SRSF5: variants seen among roughly 807,000 people sequenced by gnomAD.
SRSF5 encodes the protein serine and arginine rich splicing factor 5.
Under a neutral mutation model 34.0 loss-of-function variants are expected in SRSF5, and 5 were observed. The observed-to-expected ratio is 0.15, with a 90% CI of 0.08 to 0.31. SRSF5 has a LOEUF of 0.31. Among genes scored for constraint, SRSF5 ranks in the 10% least tolerant of loss-of-function variants. SRSF5 has a pLI of 1.00. For missense variants in SRSF5, 223 were observed against 351.4 expected, an observed-to-expected ratio of 0.63 and a Z score of 2.92; for synonymous variants, 164 against 117.7, an observed-to-expected ratio of 1.39 and a Z score of -2.55.
chr14:69,769,011 C>A (rs1594750566), intron 4 of SRSF5, 115 bp downstream of exon 4: 1 of 1,290,210 alleles, frequency 7.8e-7, no homozygotes, highest in Admixed American at 1.9e-5. Flanking sequence ...TTCTTCTATT[C>A]CCACGTTAGC....
intron 7 of SRSF5, 30 bp from the exon 8 acceptor site, chr14:69,771,164 T>C (rs1356569854): frequency 2.2e-5 from 35 of 1,613,772 alleles, no homozygotes; most frequent in African/African-American, 4.0e-5. Flanking sequence ...TAGAGTCTTA[T>C]CTAGGCTGAT....
chr14:69,769,677 T>TC, intron 5 of SRSF5: 3 of 1,490,466 alleles, frequency 2.0e-6, no homozygotes, highest in Non-Finnish European at 2.7e-6. Context: ...TCGGTGCACT[T>TC]CCTTGAAGTG....
At chr14:69,768,337 C>T (rs1355827363) in intron 2 of SRSF5, 55 bp downstream of exon 2, 14 of 1,600,890 alleles carry the variant, frequency 8.7e-6, no homozygotes, top group Admixed American at 5.1e-5. Context: ...TTTTGATAAG[C>T]AGTTGTTTTC....
rs779021369 is a variant in SRSF5, at chr14:69,771,109, T to G, written c.551+4T>G. 1 of 1,612,646 alleles carries G rather than the reference T, an allele frequency of 6.2e-7. No homozygotes were observed. Among genetic ancestry groups the G allele is most frequent in the Non-Finnish European group, 8.5e-7 (1 of 1,179,344 alleles). ...TTGAAGGCAGCAAAAGGCACAGGTATCTCTAATTTTTTAAAGTCAAAAGTT... is the reference window on the plus strand; with the variant it reads ...TTGAAGGCAGCAAAAGGCACAGGTAGCTCTAATTTTTTAAAGTCAAAAGTT... On this transcript the variant is annotated splice_donor_region_variant and intron_variant, in intron 7 of 7. Coordinates refer to ENST00000557154, the MANE Select transcript of SRSF5 (RefSeq NM_001320214.2).
At position 69,771,250 on chromosome 14, in the gene SRSF5, G is replaced by T. The variant is rs763081161; in HGVS notation, c.608G>T (p.Arg203Leu). Residue 203 changes from arginine (R) to leucine (L), a missense_variant, in exon 8 of 8, where the codon CGA (arginine) becomes CTA (leucine). Physicochemically the swap from Arg to Leu is moderately radical, Grantham distance 102. Transcript: ENST00000557154. ...RTRSSSRSRS[R>L]SRSRSRKSYS... ...AGAAGTTCCTCTAGGTCTCGTAGCC[G>T]ATCCCGTTCCCGTAGTCGCAAATCT... 6.2e-7 allele frequency: 1 copy of T among 1,614,084 alleles called. No homozygotes were observed. Among genetic ancestry groups the T allele is most frequent in the South Asian group, 1.1e-5 (1 of 91,080 alleles).
chr14:69,768,998 C>G (rs1882885382), intron 4 of SRSF5, 102 bp downstream of exon 4: 1 of 1,347,858 alleles, frequency 7.4e-7, no homozygotes, highest in East Asian at 2.4e-5. Context: ...GCCGTATAAT[C>G]TGTTCTTCTA....
chr14:69,769,778 G>A (rs890896884), intron 5 of SRSF5: 87 of 1,355,686 alleles, frequency 6.4e-5, no homozygotes, highest in Non-Finnish European at 7.7e-5. Context: ...TAAGAGGTCC[G>A]GTCGAAAAGA....
chr14:69,770,337 G>A, intron 5 of SRSF5, 130 bp from the exon 6 acceptor site: 1 of 1,452,782 alleles, frequency 6.9e-7, no homozygotes, highest in Non-Finnish European at 9.1e-7. Context: ...TAGAATACAA[G>A]TGTGGTAAAT....
intron 5 of SRSF5, chr14:69,770,098 A>C: frequency 9.7e-7 from 1 of 1,031,192 alleles, no homozygotes; most frequent in Non-Finnish European, 1.2e-6. Flanking sequence ...TGTCTTGTAA[A>C]TGTTCTGTTT....
chr14:69,769,476 A>G (rs1882961681), intron 5 of SRSF5: 2 of 1,534,776 alleles, frequency 1.3e-6, no homozygotes, highest in East Asian at 2.4e-5. Flanking sequence ...TTTAAAATCA[A>G]TTTTTAACCA....
rs920835897 is a variant in SRSF5, at chr14:69,771,780, A to T, written c.*319A>T. 3.7e-5 allele frequency: 9 copies of T among 245,266 alleles called. No homozygotes were observed. The highest frequency in any genetic ancestry group is 1.0e-4 in the Admixed American group (2 of 19,950). The allele number at this position is 245,266 out of a possible 1,614,324, so 15.2% of individuals were successfully genotyped here. A position where few individuals can be genotyped will look rare whatever the true frequency, so the allele number is the denominator to read the frequency against. On this transcript the variant is annotated 3_prime_UTR_variant, in exon 8 of 8. Transcript: ENST00000557154. Reference sequence around the variant, plus strand: ...TTTTTTGTACTAGAAAAAAATTTGAACATTTTAGTTCTTGGTTATAAAAAT... The same window carrying T: ...TTTTTTGTACTAGAAAAAAATTTGATCATTTTAGTTCTTGGTTATAAAAAT...
rs1164579624 is a variant in SRSF5 at position 69,771,224 on chromosome 14, C to A, written c.582C>A (p.Thr194=). 6.2e-7 allele frequency: 1 copy of A among 1,614,090 alleles called. No individual in the cohort carries two copies. The highest frequency in any genetic ancestry group is 2.2e-5 in the East Asian group (1 of 44,880). ...CAAGAAGCAGGTCTCGATCCCGGAC[C>A]AGAAGTTCCTCTAGGTCTCGTAGCC... ...SRSRSRSRSR[T]RSSSRSRSRS... is the part of the protein sequence containing the mutation. The change falls in exon 8 of 8, where the codon ACC becomes ACA. Residue 194 remains threonine (T), a synonymous_variant. Coordinates refer to ENST00000557154, the MANE Select transcript of SRSF5 (RefSeq NM_001320214.2).
Position 69,771,375 on chromosome 14 carries a change from T to A in SRSF5, c.733T>A (p.Ser245Thr). 1.9e-6 allele frequency: 3 copies of A among 1,614,204 alleles called. No homozygotes were observed. Among genetic ancestry groups the A allele is most frequent in the Non-Finnish European group, 2.5e-6 (3 of 1,180,044 alleles). ...TGAGAAGAGCCAGAAACGTGGTTCTTCAAGTAGATCTAAGTCTCCAGCATC... is the reference window on the plus strand; with the variant it reads ...TGAGAAGAGCCAGAAACGTGGTTCTACAAGTAGATCTAAGTCTCCAGCATC... ...VPEKSQKRGS[S>T]SRSKSPASVD... The change falls in exon 8 of 8, where the codon TCA (serine) becomes ACA (threonine). Residue 245 changes from serine (S) to threonine (T), a missense_variant. By Grantham distance (58) the Ser-to-Thr change is moderately conservative. This residue lies in a region of SRSF5 where 115 missense variants were observed against 119.7 expected (regional missense o/e 0.96). Coordinates refer to ENST00000557154, the MANE Select transcript of SRSF5 (RefSeq NM_001320214.2).
At chr14:69,769,626 G>A in intron 5 of SRSF5, 1 of 1,534,858 alleles carries the variant, frequency 6.5e-7, no homozygotes, top group Admixed American at 2.0e-5. Context: ...ACAGTGATCA[G>A]TTGGCCACCT....
intron 5 of SRSF5, 47 bp from the exon 6 acceptor site, chr14:69,770,419 TG>T: frequency 6.2e-7 from 1 of 1,600,136 alleles, no homozygotes; most frequent in Non-Finnish European, 8.5e-7. Context: ...TGATTGTTTG[TG>T]TGTCCCCTTT....
At chr14:69,770,640 G>A in intron 6 of SRSF5, 100 bp downstream of exon 6, 7 of 1,106,838 alleles carry the variant, frequency 6.3e-6, no homozygotes, top group Non-Finnish European at 9.3e-6. Flanking sequence ...AGAATGCAGA[G>A]ATTCTCCAGA....
intron 3 of SRSF5, 47 bp from the exon 4 acceptor site, chr14:69,768,751 T>C (rs769136936): frequency 1.9e-6 from 3 of 1,611,770 alleles, no homozygotes; most frequent in Non-Finnish European, 2.5e-6. Flanking sequence ...CTAAGTAGAT[T>C]TATGTAGCTT....
intron 4 of SRSF5, 59 bp downstream of exon 4, chr14:69,768,955 C>T (rs1882876241): frequency 6.5e-7 from 1 of 1,545,558 alleles, no homozygotes; most frequent in Non-Finnish European, 8.9e-7. Context: ...ATTTAAGATT[C>T]AGGAGTCATT....
intron 2 of SRSF5, 33 bp from the exon 3 acceptor site, chr14:69,768,571 G>C: frequency 6.3e-7 from 1 of 1,599,208 alleles, no homozygotes; most frequent in Non-Finnish European, 8.6e-7. Context: ...CTCTTCTAAA[G>C]CCAATGTTAA....
Sources: gnomAD v4.1 joint callset for allele counts on GRCh38, gnomAD v4.1.1 for gene constraint, gnomAD v4.1.1 regional missense constraint, MANE v1.5 for transcripts, NCBI Gene and HGNC (gene_info 2026-07-23, HGNC 2026-07-21) for gene names.